The following PREX2 variants were observed in gnomAD, a reference collection of about 807,000 sequenced individuals.
The protein encoded by PREX2 is phosphatidylinositol-3,4,5-trisphosphate dependent Rac exchange factor 2.
In PREX2, 107 loss-of-function variants were observed where a neutral mutation model predicts 203.2. The ratio of observed to expected loss-of-function variants is 0.53; its 90% CI spans 0.45 to 0.62. The LOEUF (loss-of-function observed/expected upper bound fraction) is 0.62. PREX2 is among the 20% of genes least tolerant of loss of function. PREX2 has a pLI of 0.00. For synonymous variants in PREX2, 672 were observed against 663.6 expected (o/e 1.01, Z -0.19); for missense variants, 1,777 against 1,955.9 (o/e 0.91, Z 1.72).
intron 38 of PREX2, among the ~76,000 whole-genome samples, chr8:68,221,772 A>G (rs1812958490): frequency 6.6e-6 from 1 of 152,346 alleles, no homozygotes; most frequent in South Asian, 2.1e-4. Context: ...AAACCTTTTA[A>G]GAAAGCAAAC....
At chr8:68,119,629 C>T (rs2129613087) in intron 28 of PREX2, 115 bp downstream of exon 28, 1 of 718,276 alleles carries the variant, frequency 1.4e-6, no homozygotes, top group Admixed American at 2.2e-5. Context: ...ATCTGTCCTT[C>T]CACCTCCTTT....
In PREX2 at chr8:68,108,134, C is replaced by T. The variant is rs1810455989; in HGVS notation, c.2741C>T (p.Ala914Val). Residue 914 changes from alanine (A) to valine (V), a missense_variant, in exon 24 of 40, where the codon GCC (alanine) becomes GTC (valine). By Grantham distance (64) the Ala-to-Val change is moderately conservative. Coordinates refer to ENST00000288368, the MANE Select transcript of PREX2 (RefSeq NM_024870.4). The part of the protein sequence containing the change: ...KKFSRVLKNR[A>V]WPTFKQAKSK... The stretch of plus-strand genomic sequence containing the variant: ...TTTTCTCGTGTACTGAAGAATAGGG[C>T]CTGGCCTACTTTTAAACAGGCCAAA... 1.9e-6 allele frequency: 3 copies of T among 1,613,364 alleles called. No individual in the cohort carries two copies. Among genetic ancestry groups the T allele is most frequent in the South Asian group, 2.2e-5 (2 of 91,026 alleles).
intron 1 of PREX2, among the ~76,000 whole-genome samples, chr8:68,007,614 T>C (rs559156880): frequency 8.6e-4 from 131 of 152,016 alleles, no homozygotes; most frequent in African/African-American, 3.0e-3. Context: ...ACCAGTTACT[T>C]TTTTTTTATT....
intron 1 of PREX2, among the ~76,000 whole-genome samples, chr8:67,954,968 C>A (rs543781966): frequency 2.5e-3 from 383 of 151,834 alleles, no homozygotes; most frequent in Non-Finnish European, 4.5e-3. Flanking sequence ...CATGGTGAAA[C>A]CCCGTCTCTA....
At chr8:68,120,739 T>C (rs1055247636) in intron 29 of PREX2, among the ~76,000 whole-genome samples, 182 bp from the exon 30 acceptor site, 1 of 152,156 alleles carries the variant, frequency 6.6e-6, no homozygotes, top group African/African-American at 2.4e-5. Flanking sequence ...TAAACATTTA[T>C]AAGAAAATAA....
In PREX2 at chr8:67,955,858, A is replaced by G. The variant is rs982797835; in HGVS notation, c.141+3323A>G. 6.3e-4 allele frequency among the ~76,000 whole-genome samples: 96 copies of G among 152,200 alleles called. 4 individuals carry two copies. Among genetic ancestry groups the G allele is most frequent in the Admixed American group, 6.3e-3 (96 of 15,276 alleles). ...GTTTTCTTCCATTTGGTCAAAATAG[A>G]TAGTAGAATTTTCAGTTTTGCTCAG... is the stretch of plus-strand genomic sequence containing the variant. On this transcript the variant is annotated intron_variant, in intron 1 of 39. Transcript: ENST00000288368.
At chr8:68,077,914 G>T (rs1038407381) in intron 15 of PREX2, among the ~76,000 whole-genome samples, 3 of 152,014 alleles carry the variant, frequency 2.0e-5, no homozygotes, top group Non-Finnish European at 4.4e-5. Context: ...TTACCTCAGA[G>T]AACAAAATTA....
chr8:68,023,417 A>G (rs187617939), intron 4 of PREX2, among the ~76,000 whole-genome samples: 1 of 152,142 alleles, frequency 6.6e-6, no homozygotes, highest in Non-Finnish European at 1.5e-5. Context: ...TTAACTCTTC[A>G]TGTCTCCTTT....
chr8:68,093,681 C>T lies in PREX2; in HGVS notation c.2327C>T (p.Pro776Leu), dbSNP rs1563541531. 6.2e-7 allele frequency: 1 copy of T among 1,609,560 alleles called. No homozygotes were observed. Among genetic ancestry groups the T allele is most frequent in the Non-Finnish European group, 8.5e-7 (1 of 1,176,176 alleles). The change falls in exon 21 of 40, where the codon CCT becomes CTT. Residue 776 changes from proline to leucine, a missense_variant. Transcript: ENST00000288368. ...EDLQKSHSKPPGDEAGDAFDC... is the reference protein window; with the variant it reads ...EDLQKSHSKPLGDEAGDAFDC... ...CTTCAAAAATCTCACTCCAAGCCCC[C>T]TGGAGATGAAGCAGGGGATGCTTTT...
intron 37 of PREX2, among the ~76,000 whole-genome samples, chr8:68,205,393 A>G (rs1812601406): frequency 6.6e-6 from 1 of 152,208 alleles, no homozygotes; most frequent in Non-Finnish European, 1.5e-5. Flanking sequence ...GGTTTTTCAC[A>G]TTCTCACTGA....
At chr8:68,117,999 A>T (rs1810690625) in intron 26 of PREX2, among the ~76,000 whole-genome samples, 1 of 152,220 alleles carries the variant, frequency 6.6e-6, no homozygotes, top group Admixed American at 6.5e-5. Context: ...AACTGCCCTT[A>T]AAAAATCATT....
At chr8:68,101,005 C>T (rs2129612600) in intron 23 of PREX2, among the ~76,000 whole-genome samples, 1 of 152,150 alleles carries the variant, frequency 6.6e-6, no homozygotes, top group East Asian at 1.9e-4. Flanking sequence ...AATTCATCTC[C>T]AAAACACATG....
At position 68,109,548 on chromosome 8, in the gene PREX2, A is replaced by G. The variant is rs1810494418; in HGVS notation, c.3071A>G (p.Asp1024Gly). The part of the protein sequence containing the change: ...LLKEEDLETQ[D>G]IYQKLLGKLQ... Reference sequence around the variant, plus strand: ...AAAGAAGAAGACTTAGAAACCCAAGACATCTATCAGAAACTGCTGGGCAAA... The same window carrying G: ...AAAGAAGAAGACTTAGAAACCCAAGGCATCTATCAGAAACTGCTGGGCAAA... The change falls in exon 25 of 40, where the codon GAC (aspartate) becomes GGC (glycine). Residue 1024 changes from aspartate to glycine, a missense_variant. Transcript: ENST00000288368. 6.2e-7 allele frequency: 1 copy of G among 1,614,034 alleles called. No homozygotes were observed. Among genetic ancestry groups the G allele is most frequent in the Non-Finnish European group, 8.5e-7 (1 of 1,179,900 alleles).
In PREX2 at chr8:68,219,797, C is replaced by A. The variant is rs553656027; in HGVS notation, c.4707+2079C>A. 2.0e-5 allele frequency among the ~76,000 whole-genome samples: 3 copies of A among 152,236 alleles called. No homozygotes were observed. In the South Asian group the frequency reaches 6.2e-4, roughly 32 times the overall value. ...GACAGTGAGATTTGTGGCTGAGGGC[C>A]GATCCACAAGCCAACTCTTACCTAC... On this transcript the variant is annotated intron_variant, in intron 38 of 39. Transcript: ENST00000288368.
chr8:68,213,258 C>T (rs567100895), intron 37 of PREX2, among the ~76,000 whole-genome samples: 1 of 152,288 alleles, frequency 6.6e-6, no homozygotes, highest in East Asian at 1.9e-4. Flanking sequence ...CAGAAGGAAG[C>T]TGGGATGTAA....
chr8:68,153,519 G>A (rs1487006592), intron 34 of PREX2, among the ~76,000 whole-genome samples: 2 of 152,100 alleles, frequency 1.3e-5, no homozygotes, highest in African/African-American at 4.8e-5. Flanking sequence ...AACCAAGTAT[G>A]TTGATACTGC....
intron 8 of PREX2, among the ~76,000 whole-genome samples, chr8:68,044,797 A>T (rs2129610899): frequency 6.6e-6 from 1 of 152,230 alleles, no homozygotes; most frequent in South Asian, 2.1e-4. Flanking sequence ...TATAGCCAAA[A>T]CACACTAACA....
intron 33 of PREX2, among the ~76,000 whole-genome samples, chr8:68,144,044 T>A (rs1006105953): frequency 6.6e-6 from 1 of 152,196 alleles, no homozygotes; most frequent in Non-Finnish European, 1.5e-5. Flanking sequence ...ATTTCATTGA[T>A]CTATTTGTCT....
chr8:67,971,892 G>A (rs892536412), intron 1 of PREX2, among the ~76,000 whole-genome samples: 1 of 152,190 alleles, frequency 6.6e-6, no homozygotes, highest in African/African-American at 2.4e-5. Context: ...GGGAAATAAG[G>A]ATGTTGTAGA....
Sources: gnomAD v4.1 joint callset for allele counts (sites outside exome capture counted in the v4.1 genomes callset) on GRCh38, gnomAD v4.1.1 for gene constraint, MANE v1.5 for transcripts, NCBI Gene and HGNC (gene_info 2026-07-23, HGNC 2026-07-21) for gene names.